AFF3: variants seen among roughly 807,000 people sequenced by gnomAD.
The protein encoded by AFF3 is AF4/FMR2 family member 3.
A neutral mutation model predicts 129.7 loss-of-function variants in AFF3; 32 were observed. That is an observed-to-expected ratio of 0.25 (90% CI 0.19 to 0.33). The LOEUF (loss-of-function observed/expected upper bound fraction) is 0.33. Among genes scored for constraint, AFF3 ranks in the 10% least tolerant of loss-of-function variants. The pLI is 1.00. For missense variants in AFF3, 1,373 were observed against 1,592.0 expected, an observed-to-expected ratio of 0.86 and a Z score of 2.34; for synonymous variants, 644 against 635.4, an observed-to-expected ratio of 1.01 and a Z score of -0.20.
At chr2:99,993,284 G>A (rs757344598) in intron 7 of AFF3, among the ~76,000 whole-genome samples, 4 of 152,048 alleles carry the variant, frequency 2.6e-5, no homozygotes, top group East Asian at 1.9e-4. Context: ...GAAAAATGCC[G>A]CCTTAAAAGA....
chr2:99,814,861 T>TG (rs1379229390), intron 8 of AFF3, among the ~76,000 whole-genome samples: 1 of 151,444 alleles, frequency 6.6e-6, no homozygotes, highest in Non-Finnish European at 1.5e-5. Context: ...TACTTTTTTT[T>TG]TTTTTTGAGA....
At chr2:100,032,915 G>A (rs1327978415) in intron 4 of AFF3, among the ~76,000 whole-genome samples, 1 of 152,288 alleles carries the variant, frequency 6.6e-6, no homozygotes, top group Admixed American at 6.5e-5. Flanking sequence ...TAAGTAGTAA[G>A]TAATAATTAC....
chr2:99,799,057 A>T (rs534839540), intron 8 of AFF3, among the ~76,000 whole-genome samples: 6 of 152,216 alleles, frequency 3.9e-5, no homozygotes, highest in African/African-American at 1.4e-4. Context: ...TATAAATTAC[A>T]TATCTATATG....
chr2:99,927,746 A>T (rs575711041), intron 7 of AFF3, among the ~76,000 whole-genome samples: 26 of 152,314 alleles, frequency 1.7e-4, no homozygotes, highest in South Asian at 1.0e-3. Context: ...GTTAAAAAAA[A>T]TTTTTTTAAA....
intron 2 of AFF3, among the ~76,000 whole-genome samples, chr2:100,108,223 T>G (rs921204689): frequency 1.3e-5 from 2 of 152,192 alleles, no homozygotes; most frequent in Admixed American, 1.3e-4. Context: ...CCTTGCAAAT[T>G]ACATGCTAAT....
intron 7 of AFF3, among the ~76,000 whole-genome samples, chr2:99,941,148 G>A (rs1675002414): frequency 6.6e-6 from 1 of 152,104 alleles, no homozygotes; most frequent in Non-Finnish European, 1.5e-5. Flanking sequence ...ACTAACCCCT[G>A]CCAAGAAGGT....
chr2:99,633,137 G>A (rs922381262), intron 13 of AFF3, among the ~76,000 whole-genome samples: 13 of 152,154 alleles, frequency 8.5e-5, no homozygotes, highest in African/African-American at 2.2e-4. Flanking sequence ...GCTGAGAGGC[G>A]GACGGGTGAC....
intron 11 of AFF3, among the ~76,000 whole-genome samples, chr2:99,709,016 A>G (rs1293925287): frequency 6.6e-6 from 1 of 152,224 alleles, no homozygotes; most frequent in Non-Finnish European, 1.5e-5. Context: ...AGGAAGAGAA[A>G]CAGAAGGGGG....
chr2:99,707,574 TC>T (rs1470583739), intron 11 of AFF3: 1 of 913,732 alleles, frequency 1.1e-6, no homozygotes, highest in African/African-American at 1.8e-5. Context: ...GAAAAAAAAA[TC>T]CCCCTTGCAA....
chr2:99,930,454 G>A (rs1482473555), intron 7 of AFF3, among the ~76,000 whole-genome samples: 1 of 152,196 alleles, frequency 6.6e-6, no homozygotes, highest in East Asian at 1.9e-4. Context: ...AAATGTGTAA[G>A]GAACTTGTTT....
At chr2:100,010,030 T>C (rs1682369659) in intron 4 of AFF3, among the ~76,000 whole-genome samples, 1 of 152,172 alleles carries the variant, frequency 6.6e-6, no homozygotes, top group Non-Finnish European at 1.5e-5. Flanking sequence ...CGAAATGTGG[T>C]TCTCCCCAAA....
intron 18 of AFF3, among the ~76,000 whole-genome samples, chr2:99,571,559 C>A (rs936640891): frequency 6.6e-6 from 1 of 152,102 alleles, no homozygotes; most frequent in Admixed American, 6.5e-5. Context: ...AGTAACACAC[C>A]TAATTTTCTG....
intron 3 of AFF3, chr2:100,104,866 G>A (rs1171514765): frequency 1.6e-5 from 7 of 434,574 alleles, no homozygotes; most frequent in African/African-American, 4.5e-5. Context: ...TCCTCCGGGA[G>A]GCGCGTGTGC....
At chr2:99,796,284 C>A (rs1398645349) in intron 8 of AFF3, among the ~76,000 whole-genome samples, 1 of 152,192 alleles carries the variant, frequency 6.6e-6, no homozygotes, top group Non-Finnish European at 1.5e-5. Flanking sequence ...CCCACTGCAA[C>A]TGACATATGA....
intron 12 of AFF3, among the ~76,000 whole-genome samples, chr2:99,670,556 T>C (rs1687063838): frequency 6.8e-6 from 1 of 147,998 alleles, no homozygotes; most frequent in Non-Finnish European, 1.5e-5. Flanking sequence ...TGTGTGTGTG[T>C]TCGTGCACCG....
chr2:100,138,449 C>T (rs757825897), intron 1 of AFF3, among the ~76,000 whole-genome samples: 1 of 152,176 alleles, frequency 6.6e-6, no homozygotes, highest in African/African-American at 2.4e-5. Flanking sequence ...TATTTTAAGT[C>T]AATCAGCCCC....
At position 100,073,538 on chromosome 2, in the gene AFF3, C is replaced by T. The variant is rs114444643; in HGVS notation, c.53+30864G>A. Among the ~76,000 whole-genome samples the T allele has an allele frequency of 1.5e-3, 225 of 152,268 alleles. 1 individual carries two copies. Among genetic ancestry groups the T allele is most frequent in the African/African-American group, 5.3e-3 (219 of 41,550 alleles). On this transcript the variant is annotated intron_variant, in intron 4 of 24. Transcript: ENST00000672756. ...GTCCAGGCTGTGGGACTTTATAGGGCAGCTTCATCAAATTAATACATATGC... is the reference window on the plus strand; with the variant it reads ...GTCCAGGCTGTGGGACTTTATAGGGTAGCTTCATCAAATTAATACATATGC...
At chr2:99,652,800 T>C (rs1685390041) in intron 12 of AFF3, among the ~76,000 whole-genome samples, 1 of 152,146 alleles carries the variant, frequency 6.6e-6, no homozygotes, top group Admixed American at 6.5e-5. Context: ...TACTGTCCCC[T>C]CCTCATTCCC....
At chr2:99,711,982 C>A (rs1677939092) in intron 11 of AFF3, among the ~76,000 whole-genome samples, 1 of 152,164 alleles carries the variant, frequency 6.6e-6, no homozygotes, top group African/African-American at 2.4e-5. Flanking sequence ...TTTCTTAACT[C>A]ATGTCTCTGT....
Sources: gnomAD v4.1 joint callset for allele counts (sites outside exome capture counted in the v4.1 genomes callset) on GRCh38, gnomAD v4.1.1 for gene constraint, MANE v1.5 for transcripts, NCBI Gene and HGNC (gene_info 2026-07-23, HGNC 2026-07-21) for gene names.